RBX1: variants seen among roughly 807,000 people sequenced by gnomAD.
The protein encoded by RBX1 is E3 ubiquitin-protein ligase RBX1.
For missense variants in RBX1, 46 were observed against 141.4 expected (o/e 0.33, Z 3.42); for synonymous variants, 48 against 47.9 (o/e 1.00, Z -0.01).
At chr22:40,963,567 C>T (rs533409404) in intron 2 of RBX1, among the ~76,000 whole-genome samples, 4 of 152,168 alleles carry the variant, frequency 2.6e-5, no homozygotes, top group Non-Finnish European at 4.4e-5. Flanking sequence ...ACTCGGGGGG[C>T]GGAGGTTGCA....
chr22:40,972,717 C>T lies in RBX1; in HGVS notation c.*229C>T. The T allele has an allele frequency of 2.1e-6, 1 of 486,424 alleles. No homozygotes were observed. Among genetic ancestry groups the T allele is most frequent in the South Asian group, 2.6e-5 (1 of 39,000 alleles). The allele number at this position is 486,424 out of a possible 1,614,324, so 30.1% of individuals were successfully genotyped here. The stretch of plus-strand genomic sequence containing the variant: ...AAAGTGAACATAAATGAAGAGTCTC[C>T]CCTTCCAAGGCTGAAAACTCAGCTT... On this transcript the variant is annotated 3_prime_UTR_variant, in exon 5 of 5. Coordinates refer to ENST00000216225, the MANE Select transcript of RBX1 (RefSeq NM_014248.4).
At chr22:40,956,062 T>G (rs187198178) in intron 2 of RBX1, among the ~76,000 whole-genome samples, 166 of 151,638 alleles carry the variant, frequency 1.1e-3, no homozygotes, top group Non-Finnish European at 2.0e-3. Flanking sequence ...TATATAACCC[T>G]GATTTTTTTT....
intron 4 of RBX1, among the ~76,000 whole-genome samples, chr22:40,971,048 T>C (rs1248274766): frequency 2.0e-5 from 3 of 152,296 alleles, no homozygotes; most frequent in South Asian, 4.2e-4. Flanking sequence ...CAGAGGACTT[T>C]TCATAGTTTT....
intron 2 of RBX1, among the ~76,000 whole-genome samples, chr22:40,962,308 G>A (rs911783940): frequency 6.6e-6 from 1 of 151,892 alleles, no homozygotes; most frequent in African/African-American, 2.4e-5. Context: ...TGCCGTGTTG[G>A]TCAGGCTGGT....
intron 2 of RBX1, among the ~76,000 whole-genome samples, chr22:40,954,411 T>C (rs75612763): frequency 0.03 from 4,596 of 152,258 alleles, 206 homozygotes; most frequent in African/African-American, 0.1. Flanking sequence ...AATAAATAAT[T>C]AATTGCACTA....
Position 40,953,562 on chromosome 22 carries a change from C to T in RBX1, c.86C>T (p.Ala29Val), listed in dbSNP as rs1263532749. The change falls in exon 2 of 5, where the codon GCA (alanine) becomes GTA (valine). Residue 29 changes from alanine (A) to valine (V), a missense_variant. By Grantham distance (64) the Ala-to-Val change is moderately conservative. Coordinates refer to ENST00000216225, the MANE Select transcript of RBX1 (RefSeq NM_014248.4). ...KKRFEVKKWN[A>V]VALWAWDIVV... ...CTCTTTTTGTCTTTGCAGTGGAATG[C>T]AGTAGCCCTCTGGGCCTGGGATATT... The T allele has an allele frequency of 6.2e-7, 1 of 1,607,708 alleles. No individual in the cohort carries two copies.
intron 2 of RBX1, among the ~76,000 whole-genome samples, chr22:40,962,403 G>C (rs1485926823): frequency 6.6e-6 from 1 of 151,466 alleles, no homozygotes; most frequent in Non-Finnish European, 1.5e-5. Context: ...CATTTTCGAA[G>C]AGTGAAAAGA....
At chr22:40,971,226 T>A (rs2146304943) in intron 4 of RBX1, among the ~76,000 whole-genome samples, 1 of 152,336 alleles carries the variant, frequency 6.6e-6, no homozygotes, top group African/African-American at 2.4e-5. Flanking sequence ...AACTGGTGAC[T>A]TTCCCAGGTG....
intron 4 of RBX1, among the ~76,000 whole-genome samples, chr22:40,970,771 G>A (rs1396544217): frequency 2.0e-5 from 3 of 152,048 alleles, no homozygotes; most frequent in African/African-American, 7.2e-5. Context: ...TCTTTTGTTT[G>A]TGAAATGTTT....
intron 2 of RBX1, among the ~76,000 whole-genome samples, chr22:40,957,690 CAG>C (rs1320658168): frequency 3.9e-5 from 6 of 152,098 alleles, no homozygotes; most frequent in African/African-American, 1.2e-4. Flanking sequence ...TTGTTAGAGA[CAG>C]GGTCTCACTC....
At chr22:40,966,159 T>C (rs2058353759) in intron 3 of RBX1, 1 of 152,242 alleles carries the variant, frequency 6.6e-6, no homozygotes, top group Non-Finnish European at 1.5e-5. Context: ...CCAGGGTTGA[T>C]GTGAGGCCTC....
intron 2 of RBX1, among the ~76,000 whole-genome samples, chr22:40,957,589 G>C (rs2058329087): frequency 6.6e-6 from 1 of 152,172 alleles, no homozygotes; most frequent in African/African-American, 2.4e-5. Flanking sequence ...AGTGAGTCAA[G>C]ATTTTGCCAC....
intron 3 of RBX1, chr22:40,966,684 A>G (rs2058355306): frequency 6.6e-6 from 1 of 152,216 alleles, no homozygotes; most frequent in Non-Finnish European, 1.5e-5. Context: ...TTCACAAGAT[A>G]ATAATCCATA....
chr22:40,956,612 A>G (rs2058326178), intron 2 of RBX1, among the ~76,000 whole-genome samples: 1 of 151,830 alleles, frequency 6.6e-6, no homozygotes, highest in Non-Finnish European at 1.5e-5. Flanking sequence ...TGGCCTCTCA[A>G]ACCGCTGGGA....
At chr22:40,953,203 C>G (rs918763950) in intron 1 of RBX1, among the ~76,000 whole-genome samples, 8 of 152,080 alleles carry the variant, frequency 5.3e-5, no homozygotes, top group Admixed American at 2.0e-4. Flanking sequence ...GTTGGCCAGG[C>G]TGGTCTTGAA....
intron 4 of RBX1, among the ~76,000 whole-genome samples, chr22:40,970,799 G>A (rs2058367096): frequency 6.6e-6 from 1 of 152,084 alleles, no homozygotes; most frequent in African/African-American, 2.4e-5. Flanking sequence ...CATTATTGGT[G>A]CAGTGATTTT....
At chr22:40,970,280 G>A (rs1334432370) in intron 4 of RBX1, among the ~76,000 whole-genome samples, 2 of 151,450 alleles carry the variant, frequency 1.3e-5, no homozygotes, top group East Asian at 1.9e-4. Context: ...TCTTGAACCC[G>A]GGAGCCCAGA....
chr22:40,964,730 A>G (rs2058349488), intron 3 of RBX1, among the ~76,000 whole-genome samples: 1 of 152,174 alleles, frequency 6.6e-6, no homozygotes, highest in Non-Finnish European at 1.5e-5. Context: ...CATGAGCTAA[A>G]ATTGTCTTGT....
chr22:40,957,612 TAGG>T (rs2058329222), intron 2 of RBX1, among the ~76,000 whole-genome samples: 1 of 152,168 alleles, frequency 6.6e-6, no homozygotes, highest in Non-Finnish European at 1.5e-5. Flanking sequence ...CACTCCAGCC[TAGG>T]TGAGAGAGTG....
Sources: allele counts gnomAD v4.1 joint callset (sites outside exome capture counted in the v4.1 genomes callset), GRCh38; gene constraint gnomAD v4.1.1; transcripts MANE v1.5; gene names NCBI Gene and HGNC (gene_info 2026-07-23, HGNC 2026-07-21).